Variants in PABPC4L observed in about 807,000 individuals in gnomAD.
PABPC4L encodes the protein poly(A) binding protein cytoplasmic 4 like, also known as polyadenylate-binding protein 4-like.
For synonymous variants in PABPC4L, 169 were observed against 164.1 expected (o/e 1.03, Z -0.23); for missense variants, 452 against 451.4 (o/e 1.00, Z -0.01).
At chr4:134,092,688 T>A in the PABPC4L span, among the ~76,000 whole-genome samples, 1 of 151,858 alleles carries the variant, frequency 6.6e-6, no homozygotes, top group African/African-American at 2.4e-5. Context: ...CATAAATGCA[T>A]TTAAGGGCAC....
chr4:133,970,023 A>G, the PABPC4L span, among the ~76,000 whole-genome samples: 1 of 148,344 alleles, frequency 6.7e-6, no homozygotes, highest in Non-Finnish European at 1.5e-5. Context: ...GTTAAATCAA[A>G]GAAATATATA....
chr4:134,155,160 A>G, the PABPC4L span, among the ~76,000 whole-genome samples: 1 of 152,048 alleles, frequency 6.6e-6, no homozygotes, highest in East Asian at 1.9e-4. Flanking sequence ...GCAAAATACA[A>G]TCTCCATATA....
chr4:134,012,074 AGTCT>A, the PABPC4L span, among the ~76,000 whole-genome samples: 1 of 152,074 alleles, frequency 6.6e-6, no homozygotes, highest in Non-Finnish European at 1.5e-5. Flanking sequence ...TGGGCTTTAG[AGTCT>A]GTCTATCTGG....
At chr4:134,039,280 T>C in the PABPC4L span, among the ~76,000 whole-genome samples, 1 of 152,174 alleles carries the variant, frequency 6.6e-6, no homozygotes, top group Admixed American at 6.6e-5. Flanking sequence ...TATGTGGCGC[T>C]GAGAAGAATG....
At chr4:134,009,568 C>A in the PABPC4L span, among the ~76,000 whole-genome samples, 9 of 152,060 alleles carry the variant, frequency 5.9e-5, no homozygotes, top group South Asian at 1.9e-3. Context: ...CAATTTCTAG[C>A]CTTTCACTTT....
At chr4:134,180,491 C>T in the PABPC4L span, among the ~76,000 whole-genome samples, 3 of 151,546 alleles carry the variant, frequency 2.0e-5, no homozygotes, top group African/African-American at 4.8e-5. Context: ...CAAGAGCAAA[C>T]CAACTCCAAG....
the PABPC4L span, among the ~76,000 whole-genome samples, chr4:134,176,545 G>T: frequency 2.0e-5 from 3 of 152,044 alleles, no homozygotes; most frequent in Admixed American, 6.6e-5. Context: ...CAGATTTAGG[G>T]TGAGGCCAAG....
the PABPC4L span, among the ~76,000 whole-genome samples, chr4:134,107,637 A>G: frequency 6.6e-6 from 1 of 151,614 alleles, no homozygotes; most frequent in Non-Finnish European, 1.5e-5. Flanking sequence ...GATAGAACCT[A>G]TCTAACTTCT....
chr4:134,065,924 GTGTGCAGCATTACTTCCGGGA>G, the PABPC4L span, among the ~76,000 whole-genome samples: 1 of 151,950 alleles, frequency 6.6e-6, no homozygotes, highest in African/African-American at 2.4e-5. Context: ...ATGGTTATAG[GTGTGCAGCATTACTTCCGGGA>G]TGTCTACTCT....
chr4:134,092,387 C>A, the PABPC4L span, among the ~76,000 whole-genome samples: 1 of 151,978 alleles, frequency 6.6e-6, no homozygotes. Context: ...CCCACTCCAT[C>A]CCCTTTCAAG....
chr4:134,179,891 G>C, the PABPC4L span, among the ~76,000 whole-genome samples: 1 of 152,040 alleles, frequency 6.6e-6, no homozygotes, highest in Non-Finnish European at 1.5e-5. Flanking sequence ...CATAACACAA[G>C]TTACGAAGAC....
the PABPC4L span, among the ~76,000 whole-genome samples, chr4:134,181,983 G>A: frequency 6.7e-6 from 1 of 148,766 alleles, no homozygotes; most frequent in East Asian, 2.0e-4. Flanking sequence ...AACTACTAAA[G>A]ACATTCTTCA....
chr4:134,166,237 G>C, the PABPC4L span, among the ~76,000 whole-genome samples: 1 of 151,888 alleles, frequency 6.6e-6, no homozygotes, highest in African/African-American at 2.4e-5. Context: ...TATATAGTTC[G>C]TCTATGTAAG....
At chr4:134,178,241 G>A in the PABPC4L span, among the ~76,000 whole-genome samples, 1 of 152,054 alleles carries the variant, frequency 6.6e-6, no homozygotes, top group Admixed American at 6.6e-5. Context: ...CATAAGAAAT[G>A]TGGGCATGGA....
the PABPC4L span, among the ~76,000 whole-genome samples, chr4:134,092,115 G>C: frequency 1.3e-5 from 2 of 151,994 alleles, no homozygotes; most frequent in Middle Eastern, 3.4e-3. Flanking sequence ...CTGGGTAGAG[G>C]GGGGTGGTTC....
At position 134,200,118 on chromosome 4, in the gene PABPC4L, T is replaced by C. The variant is rs976646471; in HGVS notation, c.902A>G (p.Asp301Gly). The C allele has an allele frequency of 6.4e-7, 1 of 1,551,700 alleles. No homozygotes were observed. Among genetic ancestry groups the C allele is most frequent in the South Asian group, 1.2e-5 (1 of 84,064 alleles). Residue 301 changes from aspartate to glycine, a missense_variant, in exon 2 of 2, where the codon GAT becomes GGT. Transcript: ENST00000421491. ...TAGTTTTTCATCATCGATGGTGTCA[T>C]CAAGGTTCTTAATATAGAGTTTTAC... ...QGVKLYIKNL[D>G]DTIDDEKLRN...
the PABPC4L span, among the ~76,000 whole-genome samples, chr4:134,040,279 A>G: frequency 6.6e-6 from 1 of 152,136 alleles, no homozygotes; most frequent in South Asian, 2.1e-4. Context: ...GACAATCCTA[A>G]GCAAAAAGAA....
At chr4:134,081,197 A>G in the PABPC4L span, among the ~76,000 whole-genome samples, 1 of 152,140 alleles carries the variant, frequency 6.6e-6, no homozygotes, top group African/African-American at 2.4e-5. Context: ...AACTCAATCA[A>G]CTAGATAGAA....
At chr4:134,091,727 T>G in the PABPC4L span, among the ~76,000 whole-genome samples, 1 of 151,854 alleles carries the variant, frequency 6.6e-6, no homozygotes, top group African/African-American at 2.4e-5. Context: ...CAGAATTGGA[T>G]GTTAAATTTT....
Sources: allele counts gnomAD v4.1 joint callset (sites outside exome capture counted in the v4.1 genomes callset), GRCh38; gene constraint gnomAD v4.1.1; transcripts MANE v1.5; gene names NCBI Gene and HGNC (gene_info 2026-07-23, HGNC 2026-07-21).